The following PRICKLE2 variants were observed in gnomAD, a reference collection of about 807,000 sequenced individuals.
The protein encoded by PRICKLE2 is prickle planar cell polarity protein 2, also known as prickle-like protein 2.
A neutral mutation model predicts 81.4 loss-of-function variants in PRICKLE2; 21 were observed. That is an observed-to-expected ratio of 0.26 (90% CI 0.18 to 0.37). PRICKLE2 has a LOEUF of 0.37. Among genes scored for constraint, PRICKLE2 ranks in the 10% least tolerant of loss-of-function variants. PRICKLE2 has a pLI of 1.00. For synonymous variants in PRICKLE2, 456 were observed against 421.5 expected (o/e 1.08, Z -1.00); for missense variants, 940 against 1,109.0 (o/e 0.85, Z 2.16).
chr3:64,197,264 G>A (rs796102993), intron 2 of PRICKLE2, among the ~76,000 whole-genome samples: 1 of 152,108 alleles, frequency 6.6e-6, no homozygotes, highest in Non-Finnish European at 1.5e-5. Context: ...ATATTCCTTT[G>A]GGTATGTAAC....
chr3:64,246,326 A>G (rs905341064), intron 2 of PRICKLE2, among the ~76,000 whole-genome samples: 1 of 152,230 alleles, frequency 6.6e-6, no homozygotes, highest in African/African-American at 2.4e-5. Context: ...AAAACGCTGT[A>G]CAAGGGATCT....
intron 2 of PRICKLE2, among the ~76,000 whole-genome samples, chr3:64,252,762 T>C (rs998083290): frequency 3.9e-5 from 6 of 152,208 alleles, no homozygotes; most frequent in Non-Finnish European, 8.8e-5. Flanking sequence ...AAAACCTCAC[T>C]GGATTAGATC....
At chr3:64,246,139 G>T (rs1388692504) in intron 2 of PRICKLE2, among the ~76,000 whole-genome samples, 1 of 152,108 alleles carries the variant, frequency 6.6e-6, no homozygotes, top group Non-Finnish European at 1.5e-5. Flanking sequence ...CTACTCAAGA[G>T]GCTGAGGCAA....
intron 2 of PRICKLE2, among the ~76,000 whole-genome samples, chr3:64,164,206 G>A (rs1012030610): frequency 9.2e-5 from 14 of 152,012 alleles, no homozygotes; most frequent in South Asian, 2.1e-4. Flanking sequence ...GTGAAACCCC[G>A]CCTCTACTAA....
chr3:64,260,956 T>A (rs960080510), intron 2 of PRICKLE2, among the ~76,000 whole-genome samples: 1 of 152,218 alleles, frequency 6.6e-6, no homozygotes, highest in Admixed American at 6.5e-5. Flanking sequence ...GACAGCTGCA[T>A]CTGATCAGAC....
Position 64,159,838 on chromosome 3 carries a change from C to T in PRICKLE2, c.396+102G>A, listed in dbSNP as rs368070705. On this transcript the variant is annotated intron_variant, in intron 4 of 7. Transcript: ENST00000638394. ...TCCCGTCTTTTGTTCACTACTGTATCTCAGGCACATAGTAGGCACTCAGTA... is the reference window on the plus strand; with the variant it reads ...TCCCGTCTTTTGTTCACTACTGTATTTCAGGCACATAGTAGGCACTCAGTA... 110 of 1,464,322 alleles carry T rather than the reference C, an allele frequency of 7.5e-5. 2 individuals carry two copies. The East Asian group carries it at 9.1e-4, about 12-fold the overall frequency. The allele number at this position is 1,464,322 out of a possible 1,614,324, so 90.7% of individuals were successfully genotyped here.
At chr3:64,178,199 C>T (rs2078058400) in intron 2 of PRICKLE2, among the ~76,000 whole-genome samples, 1 of 152,146 alleles carries the variant, frequency 6.6e-6, no homozygotes, top group Non-Finnish European at 1.5e-5. Context: ...CGTATATTGT[C>T]TTTGGAGAGA....
At chr3:64,112,770 G>C (rs1186420647) in intron 7 of PRICKLE2, among the ~76,000 whole-genome samples, 2 of 152,110 alleles carry the variant, frequency 1.3e-5, no homozygotes, top group African/African-American at 2.4e-5. Context: ...ATCAGACAAG[G>C]CCTAATATAC....
At chr3:64,186,783 G>A (rs1047121296) in intron 2 of PRICKLE2, among the ~76,000 whole-genome samples, 5 of 152,182 alleles carry the variant, frequency 3.3e-5, no homozygotes, top group African/African-American at 9.7e-5. Flanking sequence ...TGCTGATTTG[G>A]TGGTGGATTA....
At chr3:64,170,428 C>A (rs2077908836) in intron 2 of PRICKLE2, among the ~76,000 whole-genome samples, 1 of 152,196 alleles carries the variant, frequency 6.6e-6, no homozygotes, top group Non-Finnish European at 1.5e-5. Context: ...CTAGCTATGA[C>A]TAAGTGCTCG....
upstream of PRICKLE2, among the ~76,000 whole-genome samples, chr3:64,226,636 C>T (rs541353593): frequency 6.6e-6 from 1 of 152,300 alleles, no homozygotes; most frequent in South Asian, 2.1e-4. Flanking sequence ...TACTCAATAG[C>T]TATTTCTGAT....
intron 2 of PRICKLE2, among the ~76,000 whole-genome samples, chr3:64,257,576 G>A (rs1438150982): frequency 6.6e-6 from 1 of 152,154 alleles, no homozygotes; most frequent in Non-Finnish European, 1.5e-5. Context: ...TTAGCTGGGT[G>A]TTTACTCCTT....
At chr3:64,207,160 A>G (rs1461828242) in intron 1 of PRICKLE2, among the ~76,000 whole-genome samples, 4 of 152,192 alleles carry the variant, frequency 2.6e-5, no homozygotes, top group Non-Finnish European at 5.9e-5. Flanking sequence ...TCAGCCTTCC[A>G]AAGTGCTGGG....
Position 64,231,138 on chromosome 3 carries a change from C to T in PRICKLE2, c.129-32171G>A, listed in dbSNP as rs553607761. On this transcript the variant is annotated intron_variant, in intron 2 of 8. Coordinates refer to the PRICKLE2 transcript ENST00000295902. ...CATACATTTTAATTATTCTTGATCC[C>T]GATAATCTAACACACAAAATTTTAA... 5.9e-5 allele frequency among the ~76,000 whole-genome samples: 9 copies of T among 152,162 alleles called. No homozygotes were observed. The South Asian group carries it at 8.3e-4, about 14-fold the overall frequency.
At chr3:64,221,762 G>A (rs1304376144) in intron 1 of PRICKLE2, among the ~76,000 whole-genome samples, 2 of 152,170 alleles carry the variant, frequency 1.3e-5, no homozygotes, top group African/African-American at 2.4e-5. Flanking sequence ...TGACTCTTGT[G>A]TGCTTACAGA....
At chr3:64,265,782 C>G (rs962565027) in intron 2 of PRICKLE2, among the ~76,000 whole-genome samples, 1 of 152,178 alleles carries the variant, frequency 6.6e-6, no homozygotes, top group Non-Finnish European at 1.5e-5. Context: ...TCTCATTCCT[C>G]GACACATCTG....
At chr3:64,116,189 C>T (rs1382429771) in intron 7 of PRICKLE2, among the ~76,000 whole-genome samples, 1 of 152,044 alleles carries the variant, frequency 6.6e-6, no homozygotes, top group Non-Finnish European at 1.5e-5. Context: ...TGGGATGCAG[C>T]TAAGGCAGTG....
At chr3:64,263,418 G>A (rs917377793) in intron 2 of PRICKLE2, among the ~76,000 whole-genome samples, 7 of 152,182 alleles carry the variant, frequency 4.6e-5, no homozygotes, top group African/African-American at 7.2e-5. Context: ...GTGCCCCAAA[G>A]ACTAGGAGAA....
Position 64,099,030 on chromosome 3 carries a change from C to T in PRICKLE2, c.*21G>A, listed in dbSNP as rs1463623675. ...TACATTCTTAGCTCCCATCTTCTCC[C>T]ATTCCCTGATCCCAATCATATTAAG... On this transcript the variant is annotated 3_prime_UTR_variant, in exon 8 of 8. Transcript: ENST00000638394. The surrounding 1 kb of genome is among the most constrained non-coding windows in gnomAD (Gnocchi z 4.3). 1.2e-6 allele frequency: 2 copies of T among 1,613,908 alleles called. No individual in the cohort carries two copies. Among genetic ancestry groups the T allele is most frequent in the South Asian group, 2.2e-5 (2 of 91,042 alleles).
Sources: gnomAD v4.1 joint callset for allele counts (sites outside exome capture counted in the v4.1 genomes callset) on GRCh38, gnomAD v4.1.1 for gene constraint, Gnocchi (gnomAD v3.1) non-coding constraint, MANE v1.5 for transcripts, NCBI Gene and HGNC (gene_info 2026-07-23, HGNC 2026-07-21) for gene names.